Variants in CDH12 observed in about 807,000 individuals in gnomAD.
CDH12 encodes the protein cadherin-12.
A neutral mutation model predicts 74.1 loss-of-function variants in CDH12; 41 were observed. The ratio of observed to expected loss-of-function variants is 0.55; its 90% CI spans 0.43 to 0.72. The LOEUF is 0.72. CDH12 is among the 30% of genes least tolerant of loss of function. CDH12 has a pLI of 0.00. For missense variants in CDH12, 945 were observed against 977.2 expected (o/e 0.97, Z 0.44); for synonymous variants, 399 against 355.0 (o/e 1.12, Z -1.39).
At chr5:21,999,598 A>T (rs1266103065) in intron 5 of CDH12, among the ~76,000 whole-genome samples, 3 of 152,070 alleles carry the variant, frequency 2.0e-5, no homozygotes. Flanking sequence ...AAATCTGAGT[A>T]TTAGTGAACA....
At chr5:22,051,727 TA>T (rs1580172354) in intron 5 of CDH12, among the ~76,000 whole-genome samples, 1 of 152,112 alleles carries the variant, frequency 6.6e-6, no homozygotes, top group East Asian at 1.9e-4. Context: ...CCCTGATCTT[TA>T]ATTTTCATTA....
chr5:21,982,520 G>A (rs1381400697), intron 5 of CDH12, among the ~76,000 whole-genome samples: 1 of 151,208 alleles, frequency 6.6e-6, no homozygotes, highest in African/African-American at 2.4e-5. Context: ...TATATAGAGA[G>A]ATACATCTAT....
chr5:21,913,138 T>C (rs1753937369), intron 6 of CDH12, among the ~76,000 whole-genome samples: 1 of 152,142 alleles, frequency 6.6e-6, no homozygotes, highest in African/African-American at 2.4e-5. Flanking sequence ...CCACCAAGCC[T>C]GGTCAGGTTC....
At chr5:22,678,136 G>A (rs537591945) in intron 1 of CDH12, among the ~76,000 whole-genome samples, 1 of 151,970 alleles carries the variant, frequency 6.6e-6, no homozygotes, top group African/African-American at 2.4e-5. Flanking sequence ...CAATCAGTAG[G>A]TATTTTGACT....
chr5:22,425,156 T>TATAA (rs1743857678), intron 2 of CDH12, among the ~76,000 whole-genome samples: 2 of 126,248 alleles, frequency 1.6e-5, no homozygotes, highest in African/African-American at 5.9e-5. Flanking sequence ...TGTGTGTGTA[T>TATAA]ATATATATAT....
At chr5:22,833,497 C>T (rs1168892930) in intron 1 of CDH12, among the ~76,000 whole-genome samples, 1 of 152,116 alleles carries the variant, frequency 6.6e-6, no homozygotes, top group East Asian at 1.9e-4. Context: ...TTGATACAAA[C>T]ATTGAGTACC....
chr5:21,759,225 G>A (rs1228783784), intron 13 of CDH12, among the ~76,000 whole-genome samples: 1 of 151,138 alleles, frequency 6.6e-6, no homozygotes, highest in African/African-American at 2.4e-5. Context: ...ATTCTTTGCA[G>A]GTAGAATTTT....
chr5:21,844,998 G>GATA (rs1750081911), intron 7 of CDH12, among the ~76,000 whole-genome samples: 1 of 120,602 alleles, frequency 8.3e-6, no homozygotes, highest in African/African-American at 3.2e-5. Flanking sequence ...TACTGAGGTA[G>GATA]GTAGATAGAT....
chr5:22,389,803 ACG>A (rs1172673691), intron 3 of CDH12, among the ~76,000 whole-genome samples: 16 of 141,394 alleles, frequency 1.1e-4, no homozygotes, highest in Non-Finnish European at 1.9e-4. Flanking sequence ...GCCCACCACC[ACG>A]CCCGGCTAAT....
chr5:22,421,734 C>T (rs1475853183), intron 2 of CDH12, among the ~76,000 whole-genome samples: 1 of 152,124 alleles, frequency 6.6e-6, no homozygotes, highest in Non-Finnish European at 1.5e-5. Context: ...AATGGTATTT[C>T]TGGTTCTAGA....
At chr5:22,105,504 C>T (rs569959508) in intron 4 of CDH12, among the ~76,000 whole-genome samples, 2 of 151,238 alleles carry the variant, frequency 1.3e-5, no homozygotes, top group South Asian at 4.2e-4. Context: ...TCGAGACCAG[C>T]CTGGCCTACA....
At chr5:22,036,159 T>C (rs1580148678) in intron 5 of CDH12, among the ~76,000 whole-genome samples, 1 of 152,220 alleles carries the variant, frequency 6.6e-6, no homozygotes, top group Non-Finnish European at 1.5e-5. Context: ...TGTTTATCAA[T>C]TGATACATGT....
intron 1 of CDH12, among the ~76,000 whole-genome samples, chr5:22,638,354 A>G (rs1738947740): frequency 6.6e-6 from 1 of 152,058 alleles, no homozygotes; most frequent in Non-Finnish European, 1.5e-5. Context: ...CTGGCAAACC[A>G]CTGGTGTAGG....
intron 1 of CDH12, among the ~76,000 whole-genome samples, chr5:22,592,619 G>A (rs1736392138): frequency 6.6e-6 from 1 of 151,816 alleles, no homozygotes; most frequent in Non-Finnish European, 1.5e-5. Context: ...AGTATCGCCA[G>A]GTTTAATGAA....
intron 1 of CDH12, among the ~76,000 whole-genome samples, chr5:22,595,722 T>G (rs1279950737): frequency 6.6e-6 from 1 of 152,098 alleles, no homozygotes; most frequent in African/African-American, 2.4e-5. Flanking sequence ...ACATTTAAAC[T>G]GTGAATCCCA....
chr5:22,696,913 T>C (rs1742397249), intron 1 of CDH12, among the ~76,000 whole-genome samples: 1 of 152,068 alleles, frequency 6.6e-6, no homozygotes, highest in South Asian at 2.1e-4. Flanking sequence ...GGCCAGAACC[T>C]TGGTCTCTAG....
rs566897503 is a variant in CDH12, at chr5:22,085,531, A to T, written c.-186-6669T>A. ...CTATGCTTGTGGTCTATTTTAAATT[A>T]ATATTCTATGGAGTAATTTTTCAAG... On this transcript the variant is annotated intron_variant, in intron 4 of 14. Coordinates refer to ENST00000382254, the MANE Select transcript of CDH12 (RefSeq NM_004061.5). Among the ~76,000 whole-genome samples the T allele has an allele frequency of 6.1e-4, 93 of 152,242 alleles. 4 individuals carry two copies. In the South Asian group the frequency reaches 9.1e-3, roughly 15 times the overall value.
chr5:21,979,568 G>T (rs1461547600), intron 5 of CDH12, among the ~76,000 whole-genome samples: 6 of 152,148 alleles, frequency 3.9e-5, no homozygotes, highest in Admixed American at 6.5e-5. Context: ...AGAAACTACT[G>T]CACAAAAATA....
chr5:22,612,333 C>T (rs1218981655), intron 1 of CDH12, among the ~76,000 whole-genome samples: 3 of 152,050 alleles, frequency 2.0e-5, no homozygotes, highest in South Asian at 2.1e-4. Context: ...TCTGGGGAAG[C>T]TATACTTTTT....
Sources: gnomAD v4.1 joint callset for allele counts (sites outside exome capture counted in the v4.1 genomes callset) on GRCh38, gnomAD v4.1.1 for gene constraint, MANE v1.5 for transcripts, NCBI Gene and HGNC (gene_info 2026-07-23, HGNC 2026-07-21) for gene names.